NLGN1: variants seen among roughly 807,000 people sequenced by gnomAD.
NLGN1 encodes the protein neuroligin 1.
A neutral mutation model predicts 65.5 loss-of-function variants in NLGN1; 12 were observed. The ratio of observed to expected loss-of-function variants is 0.18; its 90% confidence interval spans 0.12 to 0.30. NLGN1 has a LOEUF of 0.30. Ranked by LOEUF, NLGN1 falls within the 10% of genes least tolerant of loss-of-function variation. The probability of loss-of-function intolerance (pLI) is 1.00; values close to 1 mark genes in which losing one functional copy is unlikely to be tolerated. For missense variants in NLGN1, 750 were observed against 1,007.1 expected (o/e 0.74, Z 3.46); for synonymous variants, 350 against 359.5 (o/e 0.97, Z 0.30).
chr3:174,106,042 A>G (rs2152596667), intron 4 of NLGN1, among the ~76,000 whole-genome samples: 2 of 152,308 alleles, frequency 1.3e-5, no homozygotes, highest in Middle Eastern at 6.8e-3. Context: ...CCTTTACACG[A>G]AACATCTTAT....
At chr3:173,937,058 T>G (rs1474825038) in intron 4 of NLGN1, among the ~76,000 whole-genome samples, 2 of 152,026 alleles carry the variant, frequency 1.3e-5, no homozygotes, top group African/African-American at 4.8e-5. Flanking sequence ...ATTATGGAAC[T>G]AATAACTTTC....
chr3:173,518,257 T>C (rs1734174412), intron 2 of NLGN1, among the ~76,000 whole-genome samples: 1 of 152,036 alleles, frequency 6.6e-6, no homozygotes, highest in African/African-American at 2.4e-5. Context: ...TACATTTTTT[T>C]CCTAAGATTA....
At chr3:174,257,486 A>G (rs915012980) in intron 4 of NLGN1, among the ~76,000 whole-genome samples, 2 of 152,170 alleles carry the variant, frequency 1.3e-5, no homozygotes, top group African/African-American at 4.8e-5. Flanking sequence ...ATTCGCAAAT[A>G]GCAAAGACAT....
intron 4 of NLGN1, among the ~76,000 whole-genome samples, chr3:173,908,241 C>G (rs1266883494): frequency 6.6e-6 from 1 of 152,168 alleles, no homozygotes; most frequent in African/African-American, 2.4e-5. Flanking sequence ...TCTAGTGGTT[C>G]TTAGCCCAGA....
chr3:173,542,481 C>G (rs1370369600), intron 2 of NLGN1, among the ~76,000 whole-genome samples: 1 of 151,978 alleles, frequency 6.6e-6, no homozygotes, highest in African/African-American at 2.4e-5. Flanking sequence ...GGTAAATAAA[C>G]ATTTCCTAGA....
At chr3:174,042,827 C>CTGAG (rs1732650780) in intron 4 of NLGN1, among the ~76,000 whole-genome samples, 1 of 152,140 alleles carries the variant, frequency 6.6e-6, no homozygotes, top group African/African-American at 2.4e-5. Flanking sequence ...AAAACTTGAC[C>CTGAG]TGAGGCCTGT....
At chr3:173,482,456 C>CT (rs764157479) in intron 2 of NLGN1, among the ~76,000 whole-genome samples, 10 of 151,938 alleles carry the variant, frequency 6.6e-5, no homozygotes, top group Non-Finnish European at 1.3e-4. Flanking sequence ...CATCTCCACA[C>CT]TTTCAATACA....
chr3:174,270,204 C>A (rs1336755651), intron 4 of NLGN1, among the ~76,000 whole-genome samples: 6 of 94,844 alleles, frequency 6.3e-5, no homozygotes, highest in Non-Finnish European at 1.1e-4. Context: ...TTTTCCTGTG[C>A]TTTTGGTTTA....
At chr3:174,117,484 A>G (rs1262573727) in intron 4 of NLGN1, among the ~76,000 whole-genome samples, 1 of 151,684 alleles carries the variant, frequency 6.6e-6, no homozygotes, top group Non-Finnish European at 1.5e-5. Context: ...AGCCAGGCGC[A>G]GTGGCGGGCG....
At chr3:173,593,781 T>C (rs776895479) in intron 2 of NLGN1, among the ~76,000 whole-genome samples, 2 of 152,188 alleles carry the variant, frequency 1.3e-5, no homozygotes, top group Non-Finnish European at 2.9e-5. Flanking sequence ...AGAGGTTTAA[T>C]TGGACTTAGA....
intron 2 of NLGN1, among the ~76,000 whole-genome samples, chr3:173,566,858 G>T (rs1323165331): frequency 6.6e-6 from 1 of 152,058 alleles, no homozygotes; most frequent in Non-Finnish European, 1.5e-5. Context: ...GTAAAAAAGA[G>T]TAAAGAAAAT....
intron 4 of NLGN1, among the ~76,000 whole-genome samples, chr3:174,048,604 A>G (rs1734149963): frequency 6.6e-6 from 1 of 152,060 alleles, no homozygotes; most frequent in African/African-American, 2.4e-5. Context: ...CCTGGGGGAA[A>G]TCTGTAGATA....
intron 4 of NLGN1, among the ~76,000 whole-genome samples, chr3:174,051,275 G>T (rs1305856766): frequency 6.6e-6 from 1 of 152,088 alleles, no homozygotes; most frequent in Non-Finnish European, 1.5e-5. Flanking sequence ...TTTGTGAAGA[G>T]ACTCTCAAGT....
chr3:174,259,932 G>A (rs1269220633), intron 4 of NLGN1, among the ~76,000 whole-genome samples: 10 of 142,256 alleles, frequency 7.0e-5, no homozygotes, highest in African/African-American at 2.6e-4. Flanking sequence ...AGAATATACG[G>A]TGTTTGGTTT....
intron 3 of NLGN1, chr3:173,800,253 CTTTT>C: frequency 4.9e-6 from 3 of 609,806 alleles, no homozygotes; most frequent in Non-Finnish European, 6.8e-6. Context: ...CTTGAATTGT[CTTTT>C]TTTTTTTTCC....
intron 2 of NLGN1, among the ~76,000 whole-genome samples, chr3:173,465,674 T>C (rs952834160): frequency 4.6e-5 from 7 of 152,134 alleles, no homozygotes; most frequent in African/African-American, 1.7e-4. Flanking sequence ...TCACAAACAA[T>C]AAGCTGAAAA....
intron 2 of NLGN1, among the ~76,000 whole-genome samples, chr3:173,587,363 G>A (rs1284558191): frequency 6.6e-6 from 1 of 151,986 alleles, no homozygotes; most frequent in Non-Finnish European, 1.5e-5. Context: ...AGTAAACTTT[G>A]TAGGTAGTAA....
At chr3:173,753,969 T>TATAATA (rs59524680) in intron 3 of NLGN1, among the ~76,000 whole-genome samples, 58,306 of 144,498 alleles carry the variant, frequency 0.4, 13,756 homozygotes, top group East Asian at 0.65. Flanking sequence ...TATAATATAA[T>TATAATA]ATAATATCTA....
chr3:173,704,607 A>G (rs1461853676), intron 3 of NLGN1, among the ~76,000 whole-genome samples: 14 of 152,214 alleles, frequency 9.2e-5, no homozygotes. Flanking sequence ...ACTGCATATT[A>G]TAGTAGAAAA....
Sources: gnomAD v4.1 joint callset for allele counts (sites outside exome capture counted in the v4.1 genomes callset) on GRCh38, gnomAD v4.1.1 for gene constraint, MANE v1.5 for transcripts, NCBI Gene and HGNC (gene_info 2026-07-23, HGNC 2026-07-21) for gene names.